DCAF1: variants seen among roughly 807,000 people sequenced by gnomAD.
DCAF1 encodes the protein DDB1 and CUL4 associated factor 1.
Under a neutral mutation model 128.0 loss-of-function variants are expected in DCAF1, and 15 were observed. The ratio of observed to expected loss-of-function variants is 0.12; its 90% CI spans 0.08 to 0.18. The LOEUF (loss-of-function observed/expected upper bound fraction) is 0.18. Among genes scored for constraint, DCAF1 ranks in the 10% least tolerant of loss-of-function variants. DCAF1 has a pLI of 1.00. For synonymous variants in DCAF1, 610 were observed against 603.0 expected, an observed-to-expected ratio of 1.01 and a Z score of -0.17; for missense variants, 988 against 1,649.5, an observed-to-expected ratio of 0.60 and a Z score of 6.95.
At chr3:51,483,659 A>G in intron 3 of DCAF1, 60 bp downstream of exon 3, 1 of 1,062,314 alleles carries the variant, frequency 9.4e-7, no homozygotes, top group Non-Finnish European at 1.5e-6. Flanking sequence ...GAAGAAATCT[A>G]GCGTATGAGT....
chr3:51,400,885 C>A (rs1021858148), intron 24 of DCAF1, among the ~76,000 whole-genome samples: 6 of 152,056 alleles, frequency 3.9e-5, no homozygotes, highest in African/African-American at 1.4e-4. Context: ...TGTATCCCAG[C>A]ACTTTGGGAG....
At position 51,398,107 on chromosome 3, in the gene DCAF1, G is replaced by C. The variant is rs1274532624; in HGVS notation, c.*662C>G. On this transcript the variant is annotated 3_prime_UTR_variant, in exon 25 of 25. Transcript: ENST00000684031. ...TTTAGGCATTTACCCAGCAGACAGA[G>C]TGCCTTCCTCCCCACCTCTGGCACG... 6.6e-6 allele frequency: 1 copy of C among 152,638 alleles called. No homozygotes were observed. Among genetic ancestry groups the C allele is most frequent in the Non-Finnish European group, 1.5e-5 (1 of 68,026 alleles). The allele number at this position is 152,638 out of a possible 1,614,324, so 9.5% of individuals were successfully genotyped here. A position where few individuals can be genotyped will look rare whatever the true frequency, so the allele number is the denominator to read the frequency against.
rs782012747 is a variant in DCAF1 at position 51,413,400 on chromosome 3, G to C, written c.3932-14C>G. 4 of 1,607,340 alleles carry C rather than the reference G, an allele frequency of 2.5e-6. No individual in the cohort carries two copies. Among genetic ancestry groups the C allele is most frequent in the African/African-American group, 2.7e-5 (2 of 74,810 alleles). Reference sequence around the variant, plus strand: ...CCTGCAACATAGCTTGAGGGGGAGTGGGGGAGGAAACACTATTAGGAATCA... The same window carrying C: ...CCTGCAACATAGCTTGAGGGGGAGTCGGGGAGGAAACACTATTAGGAATCA... On this transcript the variant is annotated splice_polypyrimidine_tract_variant and intron_variant, in intron 20 of 24. Transcript: ENST00000684031.
chr3:51,488,704 G>C (rs1450111662), intron 2 of DCAF1, among the ~76,000 whole-genome samples: 1 of 152,126 alleles, frequency 6.6e-6, no homozygotes, highest in African/African-American at 2.4e-5. Context: ...TTGGGAGGGT[G>C]AGGCAGGAGA....
chr3:51,404,854 C>T (rs2089992896), intron 23 of DCAF1, among the ~76,000 whole-genome samples: 1 of 152,158 alleles, frequency 6.6e-6, no homozygotes, highest in African/African-American at 2.4e-5. Context: ...AACTACTAAG[C>T]ATTCACCCGC....
chr3:51,414,421 C>T (rs1437345349), intron 19 of DCAF1, among the ~76,000 whole-genome samples: 1 of 152,210 alleles, frequency 6.6e-6, no homozygotes, highest in African/African-American at 2.4e-5. Context: ...ACATAGAAAA[C>T]ATGCTAGTGA....
chr3:51,415,536 G>A (rs1698801768), intron 18 of DCAF1, among the ~76,000 whole-genome samples: 1 of 152,106 alleles, frequency 6.6e-6, no homozygotes, highest in Non-Finnish European at 1.5e-5. Flanking sequence ...ATGTGGACAA[G>A]TCCCATATTT....
At chr3:51,445,746 C>G (rs1348843072) in intron 6 of DCAF1, among the ~76,000 whole-genome samples, 1 of 152,136 alleles carries the variant, frequency 6.6e-6, no homozygotes, top group East Asian at 1.9e-4. Flanking sequence ...CCAAATTTTT[C>G]CAAAGTGATT....
Position 51,441,577 on chromosome 3 carries a change from A to G in DCAF1, c.834T>C (p.Phe278=), listed in dbSNP as rs782506172. 21 of 1,613,878 alleles carry G rather than the reference A, an allele frequency of 1.3e-5. No individual in the cohort carries two copies. Among genetic ancestry groups the G allele is most frequent in the South Asian group, 2.2e-5 (2 of 91,086 alleles). The part of the protein sequence containing the change: ...KSAKQGDREN[F]RKAKQKLGFS... ...AACCCAACTTTTGCTTGGCTTTCCT[A>G]AAGTTCTCTCTGTCACCCTGTTTTG... is the stretch of plus-strand genomic sequence containing the variant. The change falls in exon 8 of 25, where the codon TTT becomes TTC. Residue 278 remains phenylalanine, a synonymous_variant. Coordinates refer to ENST00000684031, the MANE Select transcript of DCAF1 (RefSeq NM_001387579.1).
At position 51,398,637 on chromosome 3, in the gene DCAF1, ATCT is replaced by A. The variant is rs2089400474; in HGVS notation, c.*129_*131del. On this transcript the variant is annotated 3_prime_UTR_variant, in exon 25 of 25. Transcript: ENST00000684031. ...TGCCAATGAGGCTCTCTAAGCCATA[ATCT>A]TCTGAATGCAGGGCATGCAGCTCCT... is the stretch of plus-strand genomic sequence containing the variant. 1.6e-6 allele frequency: 2 copies of A among 1,246,402 alleles called. No homozygotes were observed. Among genetic ancestry groups the A allele is most frequent in the Non-Finnish European group, 2.2e-6 (2 of 904,402 alleles). 77.2% of individuals were successfully genotyped at this position (1,246,402 alleles called of 1,614,324 possible).
intron 2 of DCAF1, among the ~76,000 whole-genome samples, chr3:51,486,767 G>A (rs1707004247): frequency 6.6e-6 from 1 of 151,124 alleles, no homozygotes; most frequent in Non-Finnish European, 1.5e-5. Context: ...CCGAGTAGCT[G>A]GGACTACAGA....
At chr3:51,422,572 A>G in intron 13 of DCAF1, 141 bp from the exon 14 acceptor site, 1 of 608,902 alleles carries the variant, frequency 1.6e-6, no homozygotes, top group Non-Finnish European at 3.0e-6. Context: ...GCTCTATCTC[A>G]AGCTGTCGCA....
intron 4 of DCAF1, among the ~76,000 whole-genome samples, chr3:51,469,174 CTTATTT>C (rs1704451255): frequency 6.6e-6 from 1 of 151,078 alleles, no homozygotes; most frequent in African/African-American, 2.4e-5. Flanking sequence ...ATACAATGTC[CTTATTT>C]TTATAACTCG....
chr3:51,444,947 T>A (rs1253478588), intron 6 of DCAF1, among the ~76,000 whole-genome samples: 2 of 152,142 alleles, frequency 1.3e-5, no homozygotes, highest in Non-Finnish European at 2.9e-5. Context: ...AGTGCTGGGA[T>A]TACAGGCATG....
intron 13 of DCAF1, among the ~76,000 whole-genome samples, 181 bp from the exon 14 acceptor site, chr3:51,422,612 A>G (rs190328487): frequency 4.1e-4 from 63 of 152,344 alleles, no homozygotes; most frequent in Middle Eastern, 3.4e-3. Context: ...TCACCATGAC[A>G]TTACTTCCAA....
At position 51,421,933 on chromosome 3, in the gene DCAF1, C is replaced by G. The variant is rs1313637593; in HGVS notation, c.1972+374G>C. Among the ~76,000 whole-genome samples the G allele has an allele frequency of 4.0e-5, 6 of 151,656 alleles. No individual in the cohort carries two copies. The East Asian group carries it at 9.7e-4, about 24-fold the overall frequency. On this transcript the variant is annotated intron_variant, in intron 14 of 24. Coordinates refer to ENST00000684031, the MANE Select transcript of DCAF1 (RefSeq NM_001387579.1). ...CTGTGATGCTTAAGTTTTTTACTAT[C>G]TGCCTCAACCCATTTTTCCCATGAA...
At chr3:51,477,589 TGTA>T (rs1553651089) in intron 3 of DCAF1, among the ~76,000 whole-genome samples, 10 of 151,882 alleles carry the variant, frequency 6.6e-5, no homozygotes, top group Non-Finnish European at 1.3e-4. Flanking sequence ...ATCACAACAC[TGTA>T]CTCCAGCCTT....
chr3:51,483,857 A>T (rs1553654117), intron 2 of DCAF1, 21 bp from the exon 3 acceptor site: 2 of 1,530,390 alleles, frequency 1.3e-6, no homozygotes, highest in South Asian at 2.3e-5. Flanking sequence ...AAAAATAAAA[A>T]TAAAAAAGAC....
chr3:51,453,035 G>A (rs1553641865), intron 6 of DCAF1, among the ~76,000 whole-genome samples: 4 of 150,092 alleles, frequency 2.7e-5, no homozygotes, highest in Non-Finnish European at 5.9e-5. Flanking sequence ...AAAAAAATCT[G>A]TAATCTTGGA....
Sources: allele counts gnomAD v4.1 joint callset (sites outside exome capture counted in the v4.1 genomes callset), GRCh38; gene constraint gnomAD v4.1.1; transcripts MANE v1.5; gene names NCBI Gene and HGNC (gene_info 2026-07-23, HGNC 2026-07-21).